AMN1: variants seen among roughly 807,000 people sequenced by gnomAD.
The protein encoded by AMN1 is protein AMN1 homolog.
A neutral mutation model predicts 33.0 loss-of-function variants in AMN1; 20 were observed. The observed-to-expected ratio is 0.61, with a 90% confidence interval of 0.43 to 0.88. AMN1 has a LOEUF of 0.88. Ranked by LOEUF, AMN1 falls within the 40% of genes least tolerant of loss-of-function variation. AMN1 has a pLI of 0.00. For synonymous variants in AMN1, 114 were observed against 111.9 expected (o/e 1.02, Z -0.12); for missense variants, 246 against 307.4 (o/e 0.80, Z 1.49).
intron 1 of AMN1, among the ~76,000 whole-genome samples, chr12:31,719,563 T>C (rs1321153705): frequency 6.6e-6 from 1 of 152,188 alleles, no homozygotes; most frequent in African/African-American, 2.4e-5. Context: ...CCCTATCTCT[T>C]TAGAGACTTC....
At chr12:31,706,073 G>A (rs1464573821) in intron 2 of AMN1, among the ~76,000 whole-genome samples, 1 of 152,118 alleles carries the variant, frequency 6.6e-6, no homozygotes, top group African/African-American at 2.4e-5. Flanking sequence ...AGCACTTTGG[G>A]AGGCTGAGGC....
chr12:31,696,808 C>G (rs1193540839), intron 5 of AMN1, among the ~76,000 whole-genome samples: 3 of 151,580 alleles, frequency 2.0e-5, no homozygotes, highest in African/African-American at 7.3e-5. Context: ...GTAATCCTAG[C>G]TGCTTGGGAG....
At chr12:31,701,250 C>T (rs992772923) in intron 3 of AMN1, among the ~76,000 whole-genome samples, 12 of 151,012 alleles carry the variant, frequency 7.9e-5, no homozygotes, top group Non-Finnish European at 1.2e-4. Context: ...CCACCTGCCT[C>T]GGCCTCCCAG....
rs2139672535 is a variant in AMN1 at position 31,688,997 on chromosome 12, T to C, written c.703+10A>G. 1.9e-6 allele frequency: 3 copies of C among 1,577,814 alleles called. No individual in the cohort carries two copies. The highest frequency in any genetic ancestry group is 2.6e-6 in the Non-Finnish European group (3 of 1,149,398). On this transcript the variant is annotated intron_variant, in intron 6 of 6. Coordinates refer to ENST00000281471, the MANE Select transcript of AMN1 (RefSeq NM_001113402.2). ...CCAGAATTTGAACCCAAGCAATCTATTGCACTAACCTGTTATCAAGGGGCA... is the reference window on the plus strand; with the variant it reads ...CCAGAATTTGAACCCAAGCAATCTACTGCACTAACCTGTTATCAAGGGGCA...
chr12:31,686,144 G>A (rs928974627), intron 6 of AMN1, among the ~76,000 whole-genome samples: 4 of 151,998 alleles, frequency 2.6e-5, no homozygotes, highest in Non-Finnish European at 5.9e-5. Context: ...ATATTTTCCA[G>A]ACTTGAAAAC....
chr12:31,722,734 AG>A (rs1339456491), intron 1 of AMN1, among the ~76,000 whole-genome samples: 1 of 152,182 alleles, frequency 6.6e-6, no homozygotes, highest in African/African-American at 2.4e-5. Context: ...GTCTGGCAAA[AG>A]GGAACTTAGG....
At chr12:31,672,580 A>G in intron 6 of AMN1, 1 of 448,328 alleles carries the variant, frequency 2.2e-6, no homozygotes, top group Non-Finnish European at 4.0e-6. Context: ...TGCACCTATC[A>G]TGGTATTACT....
In AMN1 at chr12:31,728,986, C is replaced by G. The variant is rs1279077941; in HGVS notation, c.23G>C (p.Ser8Thr). The change falls in exon 1 of 7, where the codon AGT becomes ACT. Residue 8 changes from serine (S) to threonine (T), a missense_variant. Physicochemically the swap from Ser to Thr is moderately conservative, Grantham distance 58. Transcript: ENST00000281471. MPRPRRV[S>T]QLLDLCLWCF... ...GTAGACTCACAGATCCAGGAGCTGA[C>G]TGACCCGCCGTGGGCGAGGCATCGC... 1 of 1,546,290 alleles carries G rather than the reference C, an allele frequency of 6.5e-7. No homozygotes were observed. Among genetic ancestry groups the G allele is most frequent in the South Asian group, 1.2e-5 (1 of 83,868 alleles).
intron 4 of AMN1, 84 bp from the exon 5 acceptor site, chr12:31,697,501 T>C (rs1938783367): frequency 7.6e-7 from 1 of 1,312,634 alleles, no homozygotes. Context: ...TATTTAGATA[T>C]AGTCTTAATG....
Position 31,672,369 on chromosome 12 carries a change from G to A in AMN1, c.712C>T (p.Arg238Ter), listed in dbSNP as rs540784768. Residue 238 changes from arginine to a stop codon, truncating the protein, a stop_gained, in exon 7 of 7, where the codon CGA becomes TGA. Coordinates refer to ENST00000281471, the MANE Select transcript of AMN1 (RefSeq NM_001113402.2). LOFTEE classifies it high-confidence loss of function. ...CCTACTAATTGCTCCAACACTTCTC[G>A]GGAATGATCTATAAAAGAAAACAAT... The part of the protein sequence containing the change: ...HGCPLITDHS[R>*]EVLEQLVGPN... 8 of 1,568,950 alleles carry A rather than the reference G, an allele frequency of 5.1e-6. No homozygotes were observed. In the East Asian group the frequency reaches 7.0e-5, roughly 14 times the overall value.
chr12:31,719,606 T>C (rs535568067), intron 1 of AMN1, among the ~76,000 whole-genome samples: 3 of 152,302 alleles, frequency 2.0e-5, no homozygotes, highest in African/African-American at 7.2e-5. Flanking sequence ...GAACATCAAA[T>C]GTTGGTCAAG....
At chr12:31,675,295 C>T (rs868049284) in intron 6 of AMN1, among the ~76,000 whole-genome samples, 40 of 151,528 alleles carry the variant, frequency 2.6e-4, no homozygotes, top group Non-Finnish European at 2.1e-4. Flanking sequence ...TGGCACATGC[C>T]TGTAGTCCCA....
intron 1 of AMN1, among the ~76,000 whole-genome samples, chr12:31,717,101 T>C (rs1939706172): frequency 2.0e-5 from 3 of 152,076 alleles, no homozygotes; most frequent in Non-Finnish European, 2.9e-5. Flanking sequence ...ATGCTATCCT[T>C]TCCCTTGCTC....
intron 5 of AMN1, among the ~76,000 whole-genome samples, chr12:31,694,866 A>T (rs74796107): frequency 6.6e-6 from 1 of 152,028 alleles, no homozygotes; most frequent in Non-Finnish European, 1.5e-5. Flanking sequence ...CACTTTAGGA[A>T]GTCAAGACAG....
intron 5 of AMN1, among the ~76,000 whole-genome samples, chr12:31,694,201 G>T (rs533616453): frequency 1.3e-5 from 2 of 151,880 alleles, no homozygotes; most frequent in East Asian, 1.9e-4. Context: ...CAGCACTTTG[G>T]GGGGCCAAGG....
chr12:31,674,707 A>G (rs1449705368), intron 6 of AMN1, among the ~76,000 whole-genome samples: 1 of 152,036 alleles, frequency 6.6e-6, no homozygotes, highest in Admixed American at 6.6e-5. Context: ...AAACCACATG[A>G]TCATCTCAAT....
upstream of AMN1, chr12:31,729,108 T>G: frequency 7.5e-7 from 1 of 1,330,246 alleles, no homozygotes; most frequent in Non-Finnish European, 1.0e-6. Context: ...CGTAGGTTTT[T>G]GTGACGTCAC....
intron 2 of AMN1, among the ~76,000 whole-genome samples, chr12:31,702,374 T>C (rs1244526017): frequency 9.9e-5 from 15 of 152,230 alleles, no homozygotes; most frequent in Admixed American, 9.2e-4. Context: ...TTAGGAAGTA[T>C]GAGTCTTTAA....
rs148398013 is a variant in AMN1, at chr12:31,683,242, G to A, written c.703+5765C>T. Among the ~76,000 whole-genome samples, 136 of 152,268 alleles carry A rather than the reference G, an allele frequency of 8.9e-4. 1 individual carries two copies. Among genetic ancestry groups the A allele is most frequent in the African/African-American group, 3.2e-3 (132 of 41,574 alleles). On this transcript the variant is annotated intron_variant, in intron 6 of 6. Transcript: ENST00000281471. The surrounding 1 kb of genome is among the most constrained non-coding windows in gnomAD (Gnocchi z 4.1). ...CCTCCCAAAGTGCAGGACTACAGGCGTGAGCTACCACACCTGGCCAGAAAA... is the reference window on the plus strand; with the variant it reads ...CCTCCCAAAGTGCAGGACTACAGGCATGAGCTACCACACCTGGCCAGAAAA...
Sources: gnomAD v4.1 joint callset for allele counts (sites outside exome capture counted in the v4.1 genomes callset) on GRCh38, gnomAD v4.1.1 for gene constraint, Gnocchi (gnomAD v3.1) non-coding constraint, MANE v1.5 for transcripts, NCBI Gene and HGNC (gene_info 2026-07-23, HGNC 2026-07-21) for gene names.